The following PTPRD variants were observed in gnomAD, a reference collection of about 807,000 sequenced individuals.
PTPRD encodes receptor-type tyrosine-protein phosphatase delta.
A neutral mutation model predicts 214.5 loss-of-function variants in PTPRD; 34 were observed. The observed-to-expected ratio is 0.16, with a 90% CI of 0.12 to 0.21. The LOEUF (loss-of-function observed/expected upper bound fraction) is 0.21, where lower values mean the gene tolerates loss of function less well. Among genes scored for constraint, PTPRD ranks in the 10% least tolerant of loss-of-function variants. The probability of loss-of-function intolerance (pLI) is 1.00; values close to 1 mark genes in which losing one functional copy is unlikely to be tolerated. For synonymous variants in PTPRD, 1,128 were observed against 845.7 expected, an observed-to-expected ratio of 1.33 and a Z score of -5.79; for missense variants, 2,545 against 2,398.7, an observed-to-expected ratio of 1.06 and a Z score of -1.27.
chr9:8,829,734 T>A lies in PTPRD; in HGVS notation c.-103-95788A>T, dbSNP rs536511627. ...GATATATTTTGACAGCACAGAACAA[T>A]GAAACAACCATAGAATCAGCTGACT... is the stretch of plus-strand genomic sequence containing the variant. On this transcript the variant is annotated intron_variant, in intron 11 of 45. Transcript: ENST00000381196. 5.9e-5 allele frequency among the ~76,000 whole-genome samples: 9 copies of A among 152,260 alleles called. No homozygotes were observed. In the South Asian group the frequency reaches 1.7e-3, roughly 28 times the overall value.
chr9:10,401,807 C>G (rs968528305), intron 2 of PTPRD, among the ~76,000 whole-genome samples: 8 of 150,796 alleles, frequency 5.3e-5, no homozygotes, highest in African/African-American at 1.9e-4. Context: ...GTCCTACCCC[C>G]ATAACAGCAT....
At chr9:8,454,524 T>G in intron 33 of PTPRD, 1 of 1,595,394 alleles carries the variant, frequency 6.3e-7, no homozygotes, top group Non-Finnish European at 8.6e-7. Context: ...CTCTGAAGTC[T>G]ACCAGTTTAT....
At chr9:9,875,248 AC>A (rs2066520120) in intron 5 of PTPRD, among the ~76,000 whole-genome samples, 2 of 152,222 alleles carry the variant, frequency 1.3e-5, no homozygotes, top group East Asian at 3.9e-4. Flanking sequence ...TGTTTATTTT[AC>A]AGAGAAGCAA....
intron 9 of PTPRD, among the ~76,000 whole-genome samples, chr9:9,300,566 G>C (rs1372936018): frequency 6.6e-6 from 1 of 151,662 alleles, no homozygotes; most frequent in Non-Finnish European, 1.5e-5. Flanking sequence ...GCTTCTGGGA[G>C]GTAATTAAGT....
chr9:9,099,852 T>C (rs1454325106), intron 10 of PTPRD, among the ~76,000 whole-genome samples: 2 of 152,050 alleles, frequency 1.3e-5, no homozygotes, highest in East Asian at 3.9e-4. Context: ...TTTTGCAATG[T>C]GAATTAATTA....
At chr9:9,906,985 T>C (rs1241895801) in intron 5 of PTPRD, among the ~76,000 whole-genome samples, 1 of 151,924 alleles carries the variant, frequency 6.6e-6, no homozygotes, top group Non-Finnish European at 1.5e-5. Flanking sequence ...AAAATTAAGA[T>C]GAACACAGCA....
At chr9:8,744,550 G>GA (rs2092559595) in intron 11 of PTPRD, among the ~76,000 whole-genome samples, 1 of 152,338 alleles carries the variant, frequency 6.6e-6, no homozygotes, top group African/African-American at 2.4e-5. Flanking sequence ...CTCAGGAATG[G>GA]AAAACCAAAC....
intron 6 of PTPRD, among the ~76,000 whole-genome samples, chr9:9,735,323 A>T (rs1393759246): frequency 6.6e-6 from 1 of 152,152 alleles, no homozygotes; most frequent in African/African-American, 2.4e-5. Context: ...AACCATTATT[A>T]TTATAAAATA....
chr9:10,171,140 G>C lies in PTPRD; in HGVS notation c.-544-137350C>G, dbSNP rs117211984. ...ACTGCAGAAGTGAATTAAGTATTTA[G>C]AGAGTTATATCTATACCTGGGAGAT... On this transcript the variant is annotated intron_variant, in intron 3 of 45. Transcript: ENST00000381196. Among the ~76,000 whole-genome samples, 17 of 152,260 alleles carry C rather than the reference G, an allele frequency of 1.1e-4. No homozygotes were observed. In the East Asian group the frequency reaches 3.1e-3, roughly 28 times the overall value.
chr9:10,252,786 A>AT (rs1450597191), intron 3 of PTPRD, among the ~76,000 whole-genome samples: 2 of 151,770 alleles, frequency 1.3e-5, no homozygotes, highest in South Asian at 2.1e-4. Context: ...GCCGAAGTGT[A>AT]TTTTTTTTCT....
chr9:8,762,521 GT>G (rs1240575184), intron 11 of PTPRD, among the ~76,000 whole-genome samples: 2 of 151,934 alleles, frequency 1.3e-5, no homozygotes, highest in East Asian at 3.9e-4. Context: ...TAAATAATTT[GT>G]TTTTCTAACA....
intron 3 of PTPRD, among the ~76,000 whole-genome samples, chr9:10,324,510 G>T (rs936366185): frequency 3.9e-5 from 6 of 151,992 alleles, no homozygotes; most frequent in Admixed American, 3.3e-4. Context: ...GTTATTAAAA[G>T]GATATGCATA....
chr9:10,386,526 C>T (rs2097916557), intron 2 of PTPRD, among the ~76,000 whole-genome samples: 2 of 151,848 alleles, frequency 1.3e-5, no homozygotes, highest in Admixed American at 1.3e-4. Flanking sequence ...GTCTAGTAAC[C>T]AACTTCACGC....
intron 30 of PTPRD, among the ~76,000 whole-genome samples, chr9:8,480,116 C>T (rs1291867553): frequency 6.6e-6 from 1 of 152,104 alleles, no homozygotes; most frequent in African/African-American, 2.4e-5. Flanking sequence ...CAGAAATAGT[C>T]CTGACAAAAC....
chr9:10,548,573 T>C (rs921114400), intron 2 of PTPRD, among the ~76,000 whole-genome samples: 1 of 152,124 alleles, frequency 6.6e-6, no homozygotes, highest in Non-Finnish European at 1.5e-5. Context: ...AGTCTCAGCG[T>C]AAGCACTGAC....
intron 6 of PTPRD, among the ~76,000 whole-genome samples, chr9:9,745,177 A>C (rs1279205143): frequency 6.6e-6 from 1 of 152,128 alleles, no homozygotes; most frequent in Non-Finnish European, 1.5e-5. Context: ...AAAGCACTAT[A>C]GTTTATCATG....
rs554273605 is a variant in PTPRD at position 9,691,217 on chromosome 9, T to C, written c.-287+43316A>G. ...ATTATTAACAATAGTCCCCGTTTTG[T>C]GAAAAAATACCAGATCTTATTTGTT... On this transcript the variant is annotated intron_variant, in intron 7 of 45. Transcript: ENST00000381196. Among the ~76,000 whole-genome samples the C allele has an allele frequency of 5.5e-4, 84 of 152,062 alleles. No individual in the cohort carries two copies. In the Middle Eastern group the frequency reaches 0.01, roughly 18 times the overall value.
chr9:8,515,275 A>G (rs970446661), intron 21 of PTPRD, among the ~76,000 whole-genome samples: 3 of 152,202 alleles, frequency 2.0e-5, no homozygotes, highest in African/African-American at 7.2e-5. Context: ...ACATCTGCCT[A>G]ATTGGTTTGT....
chr9:9,689,840 C>G (rs1488917423), intron 7 of PTPRD, among the ~76,000 whole-genome samples: 1 of 151,690 alleles, frequency 6.6e-6, no homozygotes, highest in Non-Finnish European at 1.5e-5. Flanking sequence ...GGCTGAATAC[C>G]ATTTCATTAT....
Sources: allele counts gnomAD v4.1 joint callset (sites outside exome capture counted in the v4.1 genomes callset), GRCh38; gene constraint gnomAD v4.1.1; transcripts MANE v1.5; gene names NCBI Gene and HGNC (gene_info 2026-07-23, HGNC 2026-07-21).